ATXN2: variants seen among roughly 807,000 people sequenced by gnomAD.
ATXN2 encodes the protein ataxin-2.
Under a neutral mutation model 138.6 loss-of-function variants are expected in ATXN2, and 37 were observed. The ratio of observed to expected loss-of-function variants is 0.27; its 90% CI spans 0.21 to 0.35. ATXN2 has a LOEUF of 0.35. Among genes scored for constraint, ATXN2 ranks in the 10% least tolerant of loss-of-function variants. The pLI is 1.00. For synonymous variants in ATXN2, 549 were observed against 543.7 expected (o/e 1.01, Z -0.13); for missense variants, 1,216 against 1,480.3 (o/e 0.82, Z 2.93).
intron 22 of ATXN2, 126 bp from the exon 23 acceptor site, chr12:111,456,382 T>G (rs1470223292): frequency 1.0e-6 from 1 of 988,978 alleles, no homozygotes; most frequent in Non-Finnish European, 1.5e-6. Flanking sequence ...TACAGGAGAA[T>G]GTACAGGGTG....
At chr12:111,543,214 T>C (rs1000108651) in intron 5 of ATXN2, among the ~76,000 whole-genome samples, 1 of 152,158 alleles carries the variant, frequency 6.6e-6, no homozygotes, top group Non-Finnish European at 1.5e-5. Flanking sequence ...CACAGCAAAG[T>C]TGAGGCCGTA....
At chr12:111,535,045 G>C (rs1386934105) in intron 5 of ATXN2, among the ~76,000 whole-genome samples, 1 of 152,140 alleles carries the variant, frequency 6.6e-6, no homozygotes, top group African/African-American at 2.4e-5. Context: ...TGAAATGGGA[G>C]AACAGCTTGA....
intron 1 of ATXN2, among the ~76,000 whole-genome samples, chr12:111,586,455 G>T (rs1279756555): frequency 7.2e-6 from 1 of 138,796 alleles, no homozygotes; most frequent in African/African-American, 2.7e-5. Context: ...GCCCGATCTC[G>T]GCTCACTGCA....
Position 111,456,188 on chromosome 12 carries a change from G to A in ATXN2, c.3111C>T (p.His1037=), listed in dbSNP as rs534955585. 17 of 1,614,270 alleles carry A rather than the reference G, an allele frequency of 1.1e-5. No individual in the cohort carries two copies. The highest frequency in any genetic ancestry group is 5.0e-5 in the Admixed American group (3 of 60,026). The part of the protein sequence containing the change: ...ASPQQQSAIY[H]AGLAPTPPSM... ...AGGGTGGAGTTGGCGCAAGCCCCGCGTGGTAAATGGCTGACTGCTGCTGTG... is the reference window on the plus strand; with the variant it reads ...AGGGTGGAGTTGGCGCAAGCCCCGCATGGTAAATGGCTGACTGCTGCTGTG... Residue 1037 remains histidine, a synonymous_variant, in exon 23 of 25, where the codon CAC becomes CAT. Coordinates refer to ENST00000673436, the MANE Select transcript of ATXN2 (RefSeq NM_001372574.1).
intron 8 of ATXN2, among the ~76,000 whole-genome samples, chr12:111,519,481 A>T (rs1880039953): frequency 6.6e-6 from 1 of 151,966 alleles, no homozygotes; most frequent in African/African-American, 2.4e-5. Flanking sequence ...ACAAAATGTC[A>T]CCTCCTCAAT....
chr12:111,526,406 T>C (rs1366950626), intron 5 of ATXN2, among the ~76,000 whole-genome samples: 1 of 141,554 alleles, frequency 7.1e-6, no homozygotes, highest in African/African-American at 2.6e-5. Context: ...AATATCTCTT[T>C]TTTTTTTTTT....
At chr12:111,486,669 A>G in intron 16 of ATXN2, 92 bp downstream of exon 16, 2 of 1,121,342 alleles carry the variant, frequency 1.8e-6, no homozygotes, top group Non-Finnish European at 2.6e-6. Flanking sequence ...ACACTAAAAC[A>G]AAATTCAGAT....
intron 1 of ATXN2, among the ~76,000 whole-genome samples, chr12:111,585,794 T>C: frequency 1.5e-5 from 1 of 66,070 alleles, no homozygotes; most frequent in African/African-American, 6.2e-5. Context: ...AGAGCAAAAC[T>C]CCATCTCAAA....
At chr12:111,561,881 G>A (rs1424126939) in intron 1 of ATXN2, among the ~76,000 whole-genome samples, 3 of 151,576 alleles carry the variant, frequency 2.0e-5, no homozygotes, top group Admixed American at 6.6e-5. Context: ...GCATGATCTT[G>A]ACTCACTGCA....
chr12:111,599,035 G>A lies in ATXN2; in HGVS notation c.-1C>T, dbSNP rs1445464454. ...GCTGCTGCTGGGGCTTCAGCGACATGGTGAGGGGCCCATACACCGGCTCGC... is the reference window on the plus strand; with the variant it reads ...GCTGCTGCTGGGGCTTCAGCGACATAGTGAGGGGCCCATACACCGGCTCGC... On this transcript the variant is annotated 5_prime_UTR_variant, in exon 1 of 25. Coordinates refer to ENST00000673436, the MANE Select transcript of ATXN2 (RefSeq NM_001372574.1). 4 of 1,495,438 alleles carry A rather than the reference G, an allele frequency of 2.7e-6. No homozygotes were observed. The African/African-American group carries it at 4.4e-5, about 16-fold the overall frequency. The allele number at this position is 1,495,438 out of a possible 1,614,324, so 92.6% of individuals were successfully genotyped here. A position where few individuals can be genotyped will look rare whatever the true frequency, so the allele number is the denominator to read the frequency against.
intron 14 of ATXN2, among the ~76,000 whole-genome samples, chr12:111,499,689 CA>C (rs1010074098): frequency 2.7e-5 from 4 of 145,572 alleles, no homozygotes; most frequent in Non-Finnish European, 3.0e-5. Context: ...CAAAACAAAA[CA>C]AAAAAAAAAG....
rs577221385 is a variant in ATXN2, at chr12:111,525,694, T to C, written c.572-378A>G. On this transcript the variant is annotated intron_variant, in intron 5 of 24. Coordinates refer to ENST00000673436, the MANE Select transcript of ATXN2 (RefSeq NM_001372574.1). ...TTTAAGCCACACGAAGCATTTTTTTTTTTTTTTTGAGATAGAGTCTCGTTC... is the reference window on the plus strand; with the variant it reads ...TTTAAGCCACACGAAGCATTTTTTTCTTTTTTTTGAGATAGAGTCTCGTTC... Among the ~76,000 whole-genome samples, 64 of 152,142 alleles carry C rather than the reference T, an allele frequency of 4.2e-4. 1 individual carries two copies. The highest frequency in any genetic ancestry group is 3.4e-3 in the Middle Eastern group (1 of 294).
chr12:111,599,557 C>T (rs991087698), upstream of ATXN2: 390 of 1,171,718 alleles, frequency 3.3e-4, no homozygotes, highest in Non-Finnish European at 3.7e-4. Context: ...AGCGGAGGTG[C>T]GGATAGGGAC....
intron 5 of ATXN2, among the ~76,000 whole-genome samples, chr12:111,543,558 C>T (rs537357164): frequency 1.2e-4 from 19 of 152,234 alleles, no homozygotes; most frequent in Non-Finnish European, 2.2e-4. Context: ...CTCAGCCTCC[C>T]GAGTAGCTGG....
intron 11 of ATXN2, chr12:111,512,334 A>G (rs1395832099): frequency 6.6e-6 from 1 of 151,976 alleles, no homozygotes; most frequent in East Asian, 1.9e-4. Context: ...TGTTTTAAGT[A>G]TTCTTTGTAA....
intron 1 of ATXN2, among the ~76,000 whole-genome samples, chr12:111,572,422 C>T (rs1438126504): frequency 6.6e-6 from 1 of 151,620 alleles, no homozygotes; most frequent in Non-Finnish European, 1.5e-5. Flanking sequence ...AACAAATTTA[C>T]TATCTGGCCC....
intron 21 of ATXN2, among the ~76,000 whole-genome samples, chr12:111,459,114 A>G (rs905854807): frequency 1.4e-4 from 22 of 152,238 alleles, no homozygotes; most frequent in African/African-American, 5.3e-4. Context: ...GTAGGAATTA[A>G]CATATGCCAG....
chr12:111,566,481 T>C (rs1883017089), intron 1 of ATXN2, among the ~76,000 whole-genome samples: 1 of 151,120 alleles, frequency 6.6e-6, no homozygotes. Context: ...TCTGTAAGGC[T>C]ACTACTGCCA....
intron 1 of ATXN2, among the ~76,000 whole-genome samples, chr12:111,591,412 G>C (rs1189406350): frequency 6.6e-6 from 1 of 152,122 alleles, no homozygotes; most frequent in Non-Finnish European, 1.5e-5. Context: ...GCTCACACCT[G>C]TAATCTCAGC....
Sources: gnomAD v4.1 joint callset for allele counts (sites outside exome capture counted in the v4.1 genomes callset) on GRCh38, gnomAD v4.1.1 for gene constraint, MANE v1.5 for transcripts, NCBI Gene and HGNC (gene_info 2026-07-23, HGNC 2026-07-21) for gene names.